Variants in MAPKAP1 observed in about 807,000 individuals in gnomAD.
The protein encoded by MAPKAP1 is target of rapamycin complex 2 subunit MAPKAP1.
MAPKAP1 carries 20 observed loss-of-function variants against 65.7 expected under a neutral mutation model. That is an observed-to-expected ratio of 0.30 (90% CI 0.21 to 0.44). The LOEUF (loss-of-function observed/expected upper bound fraction) is 0.44. Ranked by LOEUF, MAPKAP1 falls within the 20% of genes least tolerant of loss-of-function variation. MAPKAP1 has a pLI of 1.00. For synonymous variants in MAPKAP1, 222 were observed against 244.3 expected (o/e 0.91, Z 0.85); for missense variants, 423 against 648.0 (o/e 0.65, Z 3.77).
At chr9:125,458,643 G>C (rs1313937142) in intron 10 of MAPKAP1, among the ~76,000 whole-genome samples, 1 of 150,926 alleles carries the variant, frequency 6.6e-6, no homozygotes, top group Non-Finnish European at 1.5e-5. Flanking sequence ...GCAACCATCC[G>C]ATTTCTCAAT....
chr9:125,550,304 C>T (rs1054657672), intron 6 of MAPKAP1, among the ~76,000 whole-genome samples: 6 of 152,124 alleles, frequency 3.9e-5, no homozygotes, highest in Non-Finnish European at 8.8e-5. Context: ...CAGACTCCGA[C>T]ATAAGCTGAG....
At chr9:125,514,958 C>A (rs956782127) in intron 7 of MAPKAP1, among the ~76,000 whole-genome samples, 1 of 152,098 alleles carries the variant, frequency 6.6e-6, no homozygotes, top group African/African-American at 2.4e-5. Context: ...TCAGCTCCAT[C>A]GCTTATAACT....
chr9:125,469,397 C>CA lies in MAPKAP1; in HGVS notation c.1208-1289dup, dbSNP rs542901881. On this transcript the variant is annotated intron_variant, in intron 9 of 11. Coordinates refer to ENST00000265960, the MANE Select transcript of MAPKAP1 (RefSeq NM_001006617.3). Reference sequence around the variant, plus strand: ...ACACACCCCAAACACAGTCTGACAGCAAATTTAAAATTAAAAAAACAAATA... The same window carrying CA: ...ACACACCCCAAACACAGTCTGACAGCAAAATTTAAAATTAAAAAAACAAATA... 3.8e-3 allele frequency among the ~76,000 whole-genome samples: 574 copies of CA among 152,202 alleles called. 6 individuals are homozygous for CA. The highest frequency in any genetic ancestry group is 0.013 in the African/African-American group (552 of 41,534).
At chr9:125,680,535 T>G (rs566284265) in intron 1 of MAPKAP1, among the ~76,000 whole-genome samples, 1 of 152,354 alleles carries the variant, frequency 6.6e-6, no homozygotes, top group Admixed American at 6.5e-5. Context: ...CTTCTCCATG[T>G]GAATATGCCC....
At chr9:125,501,784 T>C (rs528342515) in intron 8 of MAPKAP1, among the ~76,000 whole-genome samples, 1 of 152,242 alleles carries the variant, frequency 6.6e-6, no homozygotes, top group African/African-American at 2.4e-5. Context: ...ATATTTTTGG[T>C]ATAATTTTTT....
intron 7 of MAPKAP1, among the ~76,000 whole-genome samples, chr9:125,539,869 G>A (rs892161525): frequency 3.3e-5 from 5 of 152,094 alleles, no homozygotes; most frequent in Non-Finnish European, 7.4e-5. Context: ...AAAATGAAAG[G>A]CTGAAGAGAA....
chr9:125,497,169 T>C (rs1828831927), intron 8 of MAPKAP1, among the ~76,000 whole-genome samples: 1 of 152,162 alleles, frequency 6.6e-6, no homozygotes, highest in Non-Finnish European at 1.5e-5. Flanking sequence ...CTCTGGATGT[T>C]CTTCCTTCCC....
rs1459079571 is a variant in MAPKAP1 at position 125,657,784 on chromosome 9, G to A, written c.365C>T (p.Ser122Leu). The A allele has an allele frequency of 1.2e-6, 2 of 1,613,544 alleles. No homozygotes were observed. The highest frequency in any genetic ancestry group is 1.3e-5 in the African/African-American group (1 of 74,830). Residue 122 changes from serine to leucine, a missense_variant, in exon 4 of 12, where the codon TCA (serine) becomes TTA (leucine). This residue lies in a region of MAPKAP1 where 67 missense variants were observed against 69.6 expected (regional missense o/e 0.96). Transcript: ENST00000265960. ...TTTGAGAGATTTTTTTTCAAACAGTGACTTTAACTCCTGGGCTGTGATACA... is the reference window on the plus strand; with the variant it reads ...TTTGAGAGATTTTTTTTCAAACAGTAACTTTAACTCCTGGGCTGTGATACA... ...NSKQSAQELK[S>L]LFEKKSLKEK...
At chr9:125,547,933 G>A (rs1326298371) in intron 6 of MAPKAP1, among the ~76,000 whole-genome samples, 8 of 152,212 alleles carry the variant, frequency 5.3e-5, no homozygotes, top group African/African-American at 1.4e-4. Context: ...TCATGGTGGT[G>A]TAGAGAATTT....
Position 125,484,509 on chromosome 9 carries a change from G to A in MAPKAP1, c.1141C>T (p.His381Tyr). Residue 381 changes from histidine (H) to tyrosine (Y), a missense_variant, in exon 9 of 12, where the codon CAC becomes TAC. By Grantham distance (83) the His-to-Tyr change is moderately conservative. This residue lies in a region of MAPKAP1 where 185 missense variants were observed against 268.1 expected (regional missense o/e 0.69). Coordinates refer to ENST00000265960, the MANE Select transcript of MAPKAP1 (RefSeq NM_001006617.3). ...IATVQDMLSS[H>Y]HYKSFKVSMI... Reference sequence around the variant, plus strand: ...CTGACTTTGAATGACTTGTAATGGTGGCTGCTAAGCATATCCTGTACTGTG... The same window carrying A: ...CTGACTTTGAATGACTTGTAATGGTAGCTGCTAAGCATATCCTGTACTGTG... 1.2e-6 allele frequency: 2 copies of A among 1,613,270 alleles called. No homozygotes were observed. Among genetic ancestry groups the A allele is most frequent in the Non-Finnish European group, 1.7e-6 (2 of 1,179,626 alleles).
At chr9:125,515,391 G>A (rs1302475182) in intron 7 of MAPKAP1, among the ~76,000 whole-genome samples, 1 of 152,194 alleles carries the variant, frequency 6.6e-6, no homozygotes, top group Non-Finnish European at 1.5e-5. Context: ...GCTACAAAGT[G>A]CTGTTATCTT....
chr9:125,493,965 C>T (rs2133058153), intron 8 of MAPKAP1, among the ~76,000 whole-genome samples: 1 of 152,278 alleles, frequency 6.6e-6, no homozygotes, highest in East Asian at 1.9e-4. Context: ...AAATGTTCCT[C>T]AGATGGGCTG....
intron 9 of MAPKAP1, among the ~76,000 whole-genome samples, chr9:125,470,808 A>G (rs1853888075): frequency 1.3e-5 from 2 of 152,340 alleles, no homozygotes; most frequent in South Asian, 4.1e-4. Flanking sequence ...GTTCCAAAAA[A>G]GTTGCATGTG....
chr9:125,510,008 A>G (rs1286814042), intron 7 of MAPKAP1, among the ~76,000 whole-genome samples: 3 of 152,186 alleles, frequency 2.0e-5, no homozygotes, highest in Non-Finnish European at 2.9e-5. Context: ...ACTTTGTCCT[A>G]TGAAGCCTAG....
At chr9:125,463,128 C>T (rs974666218) in intron 10 of MAPKAP1, among the ~76,000 whole-genome samples, 3 of 152,188 alleles carry the variant, frequency 2.0e-5, no homozygotes, top group South Asian at 2.1e-4. Context: ...CAGAACCGCT[C>T]GATAGCAAGA....
chr9:125,496,896 A>T (rs962309122), intron 8 of MAPKAP1, among the ~76,000 whole-genome samples: 7 of 152,166 alleles, frequency 4.6e-5, no homozygotes, highest in African/African-American at 1.7e-4. Flanking sequence ...TCAGGGGGAA[A>T]GAGCCAGGCC....
rs557191126 is a variant in MAPKAP1, at chr9:125,551,294, T to C, written c.849-8126A>G. Among the ~76,000 whole-genome samples the C allele has an allele frequency of 3.9e-5, 6 of 152,216 alleles. No homozygotes were observed. In the South Asian group the frequency reaches 1.0e-3, roughly 26 times the overall value. On this transcript the variant is annotated intron_variant, in intron 6 of 11. Coordinates refer to ENST00000265960, the MANE Select transcript of MAPKAP1 (RefSeq NM_001006617.3). ...CTGGTCACTTGGGGTATACTGTGGA[T>C]TTATCATCAAGAAGGTAAACTAAAA...
In MAPKAP1 at chr9:125,437,535, A is replaced by G. The variant is rs1346699780; in HGVS notation, c.*1352T>C. ...AATTCAAATACAGATAGCAAGCTACAAATATTTCTTTTGTTTTTGGGTGGG... is the reference window on the plus strand; with the variant it reads ...AATTCAAATACAGATAGCAAGCTACGAATATTTCTTTTGTTTTTGGGTGGG... On this transcript the variant is annotated 3_prime_UTR_variant, in exon 12 of 12. Coordinates refer to ENST00000265960, the MANE Select transcript of MAPKAP1 (RefSeq NM_001006617.3). 1 of 152,672 alleles carries G rather than the reference A, an allele frequency of 6.5e-6. No homozygotes were observed. Among genetic ancestry groups the G allele is most frequent in the African/African-American group, 2.4e-5 (1 of 41,470 alleles). The allele number at this position is 152,672 out of a possible 1,614,324, so 9.5% of individuals were successfully genotyped here.
chr9:125,664,728 A>C (rs1834290471), intron 3 of MAPKAP1, among the ~76,000 whole-genome samples: 1 of 150,522 alleles, frequency 6.6e-6, no homozygotes, highest in African/African-American at 2.4e-5. Flanking sequence ...CACTCTCAAA[A>C]AAAAAAAAAA....
Sources: gnomAD v4.1 joint callset for allele counts (sites outside exome capture counted in the v4.1 genomes callset) on GRCh38, gnomAD v4.1.1 for gene constraint, gnomAD v4.1.1 regional missense constraint, MANE v1.5 for transcripts, NCBI Gene and HGNC (gene_info 2026-07-23, HGNC 2026-07-21) for gene names.